RBM25: variants seen among roughly 807,000 people sequenced by gnomAD.
RBM25 encodes the protein RNA binding motif protein 25, also known as RNA-binding protein 25.
RBM25 carries 19 observed loss-of-function variants against 120.7 expected under a neutral mutation model. That is an observed-to-expected ratio of 0.16 (90% CI 0.11 to 0.23). The LOEUF is 0.23. Ranked by LOEUF, RBM25 falls within the 10% of genes least tolerant of loss-of-function variation. The pLI is 1.00. For synonymous variants in RBM25, 390 were observed against 326.7 expected, an observed-to-expected ratio of 1.19 and a Z score of -2.09; for missense variants, 605 against 1,041.5, an observed-to-expected ratio of 0.58 and a Z score of 5.77.
chr14:73,121,773 T>TG lies in RBM25; in HGVS notation c.*1969dup, dbSNP rs1370305559. The TG allele has an allele frequency of 3.3e-5, 5 of 152,256 alleles. No individual in the cohort carries two copies. Among genetic ancestry groups the TG allele is most frequent in the African/African-American group, 1.2e-4 (5 of 41,458 alleles). 9.4% of individuals were successfully genotyped at this position (152,256 alleles called of 1,614,324 possible). The stretch of plus-strand genomic sequence containing the variant: ...TCGTTTCTTCTCCTGCTCTGTCAAC[T>TG]GTACTTATCTTAAAGGGCCACTCTA... On this transcript the variant is annotated 3_prime_UTR_variant, in exon 19 of 19. Transcript: ENST00000261973.
chr14:73,119,745 C>A lies in RBM25; in HGVS notation c.2472C>A (p.Val824=). The A allele has an allele frequency of 6.2e-7, 1 of 1,611,748 alleles. No individual in the cohort carries two copies. Among genetic ancestry groups the A allele is most frequent in the South Asian group, 1.1e-5 (1 of 90,224 alleles). The stretch of plus-strand genomic sequence containing the variant: ...ATGAAGAAGCAGAAGTTTTTATAGT[C>A]AAAATGTGGAGATTATTGATATATG... The part of the protein sequence containing the change: ...VLDEEAEVFI[V]KMWRLLIYET... Residue 824 remains valine, a synonymous_variant, in exon 19 of 19, where the codon GTC becomes GTA. Coordinates refer to ENST00000261973, the MANE Select transcript of RBM25 (RefSeq NM_021239.3).
intron 13 of RBM25, among the ~76,000 whole-genome samples, chr14:73,108,222 T>C (rs1896230420): frequency 6.6e-6 from 1 of 152,236 alleles, no homozygotes; most frequent in South Asian, 2.1e-4. Flanking sequence ...AGACAGGGTC[T>C]TACCTCGGCT....
chr14:73,109,159 T>A (rs541609156), intron 13 of RBM25, 183 bp from the exon 14 acceptor site: 1 of 518,818 alleles, frequency 1.9e-6, no homozygotes, highest in East Asian at 3.4e-5. Flanking sequence ...AAGATAATGC[T>A]TGTTATACAT....
chr14:73,084,064 AT>A (rs1483704237), intron 5 of RBM25, among the ~76,000 whole-genome samples: 2 of 151,962 alleles, frequency 1.3e-5, no homozygotes, highest in East Asian at 3.9e-4. Context: ...TGCCCGGCTA[AT>A]TTTTGTATTT....
chr14:73,090,822 G>A (rs917623442), intron 6 of RBM25, among the ~76,000 whole-genome samples: 1 of 152,114 alleles, frequency 6.6e-6, no homozygotes, highest in African/African-American at 2.4e-5. Flanking sequence ...AGCAAGGATG[G>A]AATTAACATT....
intron 1 of RBM25, among the ~76,000 whole-genome samples, chr14:73,065,608 C>T (rs938602211): frequency 2.8e-4 from 42 of 151,672 alleles, no homozygotes; most frequent in African/African-American, 9.5e-4. Context: ...GTATTAGATA[C>T]GGGGTTTCGC....
intron 7 of RBM25, among the ~76,000 whole-genome samples, chr14:73,097,395 T>A (rs1024674327): frequency 2.0e-5 from 3 of 152,036 alleles, no homozygotes; most frequent in African/African-American, 7.2e-5. Context: ...GAGACGGGGT[T>A]TCACCGTGTT....
At chr14:73,077,180 A>G (rs566573479) in intron 3 of RBM25, among the ~76,000 whole-genome samples, 189 bp from the exon 4 acceptor site, 36 of 152,356 alleles carry the variant, frequency 2.4e-4, no homozygotes, top group African/African-American at 8.7e-4. Context: ...GTAGAAGTTT[A>G]CTTGTCACAA....
intron 4 of RBM25, 109 bp from the exon 5 acceptor site, chr14:73,083,385 T>C (rs1895608899): frequency 1.1e-6 from 1 of 886,478 alleles, no homozygotes; most frequent in Non-Finnish European, 1.6e-6. Context: ...GTTGCTGGTT[T>C]TTTATTTTAT....
rs1381057929 is a variant in RBM25, at chr14:73,087,043, A to G, written c.383-958A>G. ...TTGAGGGGCATATCTGTTTGTCTTT[A>G]TGGTATATCACACTGAAATGTCAAA... On this transcript the variant is annotated intron_variant, in intron 5 of 18. Coordinates refer to ENST00000261973, the MANE Select transcript of RBM25 (RefSeq NM_021239.3). Among the ~76,000 whole-genome samples the G allele has an allele frequency of 5.8e-5, 5 of 86,112 alleles. No homozygotes were observed. The East Asian group carries it at 1.7e-3, about 30-fold the overall frequency. The allele number at this position is 86,112 out of a possible 152,430, so 56.5% of individuals were successfully genotyped here.
At chr14:73,068,911 TTTA>T in intron 1 of RBM25, among the ~76,000 whole-genome samples, 1 of 152,100 alleles carries the variant, frequency 6.6e-6, no homozygotes, top group East Asian at 1.9e-4. Flanking sequence ...AGACTTTATT[TTTA>T]TTTTTTATTT....
chr14:73,067,851 G>T (rs950144750), intron 1 of RBM25, among the ~76,000 whole-genome samples: 2 of 151,460 alleles, frequency 1.3e-5, no homozygotes, highest in African/African-American at 4.9e-5. Flanking sequence ...CACCCGCTTC[G>T]GCCTCCCAAA....
intron 6 of RBM25, among the ~76,000 whole-genome samples, chr14:73,090,527 CT>C: frequency 6.6e-6 from 1 of 152,232 alleles, no homozygotes; most frequent in Non-Finnish European, 1.5e-5. Flanking sequence ...TCTATCCATA[CT>C]TATAATTAAC....
chr14:73,076,217 A>T (rs1464498796), intron 2 of RBM25, 102 bp from the exon 3 acceptor site: 3 of 966,230 alleles, frequency 3.1e-6, no homozygotes, highest in Non-Finnish European at 4.9e-6. Flanking sequence ...TTTGTCTTAT[A>T]TTTCCACTTA....
intron 1 of RBM25, among the ~76,000 whole-genome samples, chr14:73,063,315 A>G (rs956192952): frequency 1.3e-5 from 2 of 150,738 alleles, no homozygotes; most frequent in African/African-American, 2.4e-5. Flanking sequence ...ATGCCCGGCT[A>G]AATTTTTGTA....
intron 6 of RBM25, among the ~76,000 whole-genome samples, chr14:73,094,372 T>G (rs1271039746): frequency 6.6e-6 from 1 of 152,158 alleles, no homozygotes; most frequent in African/African-American, 2.4e-5. Context: ...ATGCTTTATC[T>G]CTAATAGTAA....
chr14:73,076,163 T>C (rs1895416842), intron 2 of RBM25, among the ~76,000 whole-genome samples, 156 bp from the exon 3 acceptor site: 1 of 152,246 alleles, frequency 6.6e-6, no homozygotes, highest in African/African-American at 2.4e-5. Context: ...TGATACCACA[T>C]TCCTTTTGAA....
At chr14:73,115,837 G>A (rs571400722) in intron 18 of RBM25, among the ~76,000 whole-genome samples, 22 of 152,344 alleles carry the variant, frequency 1.4e-4, no homozygotes, top group African/African-American at 5.3e-4. Context: ...TGAAAGGAGA[G>A]GTTATGGTCA....
At chr14:73,112,999 A>T (rs772393871) in intron 17 of RBM25, among the ~76,000 whole-genome samples, 4 of 151,878 alleles carry the variant, frequency 2.6e-5, no homozygotes, top group Non-Finnish European at 4.4e-5. Context: ...GTTTTAAATT[A>T]TACTTTAAAT....
Sources: allele counts gnomAD v4.1 joint callset (sites outside exome capture counted in the v4.1 genomes callset), GRCh38; gene constraint gnomAD v4.1.1; transcripts MANE v1.5; gene names NCBI Gene and HGNC (gene_info 2026-07-23, HGNC 2026-07-21).